PSMB7: variants seen among roughly 807,000 people sequenced by gnomAD.
PSMB7 encodes proteasome 20S subunit beta 7, also known as proteasome subunit beta type-7.
A neutral mutation model predicts 28.1 loss-of-function variants in PSMB7; 5 were observed. The ratio of observed to expected loss-of-function variants is 0.18; its 90% CI spans 0.09 to 0.37. PSMB7 has a LOEUF of 0.37. PSMB7 is among the 10% of genes least tolerant of loss of function. PSMB7 has a pLI of 1.00. For missense variants in PSMB7, 275 were observed against 346.2 expected (o/e 0.79, Z 1.63); for synonymous variants, 122 against 123.7 (o/e 0.99, Z 0.09).
chr9:124,374,449 G>C (rs553357771), intron 6 of PSMB7, among the ~76,000 whole-genome samples: 1 of 152,320 alleles, frequency 6.6e-6, no homozygotes, highest in African/African-American at 2.4e-5. Context: ...CACACTTTTA[G>C]AACAGTAGAC....
intron 5 of PSMB7, among the ~76,000 whole-genome samples, chr9:124,385,912 G>A (rs1229543690): frequency 4.6e-5 from 7 of 152,152 alleles, no homozygotes; most frequent in Non-Finnish European, 1.0e-4. Flanking sequence ...GGTAGAAACA[G>A]CAGATTTACA....
intron 6 of PSMB7, among the ~76,000 whole-genome samples, chr9:124,366,849 C>T (rs1367928694): frequency 1.3e-5 from 2 of 152,366 alleles, no homozygotes; most frequent in East Asian, 1.9e-4. Context: ...ACATGCTGTA[C>T]AGGCTTGCAG....
chr9:124,365,196 C>CAATGGAG (rs1830495648), intron 6 of PSMB7, among the ~76,000 whole-genome samples: 1 of 152,186 alleles, frequency 6.6e-6, no homozygotes, highest in African/African-American at 2.4e-5. Flanking sequence ...CAGGCCTGAA[C>CAATGGAG]ACAGAGCCTG....
chr9:124,413,508 T>C (rs1831053089), intron 3 of PSMB7, among the ~76,000 whole-genome samples: 1 of 152,100 alleles, frequency 6.6e-6, no homozygotes, highest in South Asian at 2.1e-4. Context: ...CAAAATCCAG[T>C]ATGGCAGAAG....
At chr9:124,406,395 G>T (rs900294692) in intron 4 of PSMB7, among the ~76,000 whole-genome samples, 26 of 151,614 alleles carry the variant, frequency 1.7e-4, no homozygotes, top group Non-Finnish European at 1.3e-4. Context: ...CCAGATACTT[G>T]GGAGGCTAAG....
chr9:124,408,039 T>C (rs968334046), intron 4 of PSMB7, among the ~76,000 whole-genome samples: 1 of 152,168 alleles, frequency 6.6e-6, no homozygotes, highest in Non-Finnish European at 1.5e-5. Flanking sequence ...GGCGTGGGCC[T>C]TTAGTCCCAG....
chr9:124,370,374 C>A (rs1466611388), intron 6 of PSMB7, among the ~76,000 whole-genome samples: 2 of 150,016 alleles, frequency 1.3e-5, no homozygotes, highest in East Asian at 4.0e-4. Context: ...AAAAAAAAAA[C>A]CTGTCATAAA....
intron 6 of PSMB7, among the ~76,000 whole-genome samples, chr9:124,361,381 C>T (rs781542858): frequency 2.0e-5 from 3 of 152,170 alleles, no homozygotes; most frequent in East Asian, 1.9e-4. Flanking sequence ...AAGAGGTCCA[C>T]GTCGGCCACG....
intron 6 of PSMB7, among the ~76,000 whole-genome samples, chr9:124,369,609 G>C (rs1830541960): frequency 1.3e-5 from 2 of 152,108 alleles, no homozygotes; most frequent in African/African-American, 4.8e-5. Context: ...CACTGACTCG[G>C]GAAATGACCG....
intron 5 of PSMB7, among the ~76,000 whole-genome samples, chr9:124,386,802 G>A (rs561244449): frequency 3.1e-4 from 47 of 151,830 alleles, no homozygotes; most frequent in African/African-American, 9.2e-4. Flanking sequence ...TTTTTCCTCC[G>A]GGGCCATTCC....
intron 5 of PSMB7, among the ~76,000 whole-genome samples, chr9:124,402,046 T>C (rs948324001): frequency 2.7e-5 from 4 of 148,218 alleles, no homozygotes; most frequent in Non-Finnish European, 5.9e-5. Flanking sequence ...GATAAATGAG[T>C]GGAGGAACAA....
At chr9:124,398,185 A>C (rs926870541) in intron 5 of PSMB7, among the ~76,000 whole-genome samples, 7 of 151,598 alleles carry the variant, frequency 4.6e-5, no homozygotes, top group Non-Finnish European at 1.0e-4. Flanking sequence ...AAAAAAAAAA[A>C]CCACCAAATT....
chr9:124,367,492 G>A (rs1277807744), intron 6 of PSMB7, among the ~76,000 whole-genome samples: 3 of 152,038 alleles, frequency 2.0e-5, no homozygotes, highest in Admixed American at 1.3e-4. Flanking sequence ...ACTTAGGTGG[G>A]AGGAGGGGGT....
intron 6 of PSMB7, among the ~76,000 whole-genome samples, chr9:124,374,323 T>C (rs767321682): frequency 2.6e-5 from 4 of 152,214 alleles, no homozygotes; most frequent in African/African-American, 4.8e-5. Flanking sequence ...TGGTAATAGC[T>C]GTACATCTCT....
At chr9:124,394,953 T>C (rs1043887404) in intron 5 of PSMB7, among the ~76,000 whole-genome samples, 3 of 152,226 alleles carry the variant, frequency 2.0e-5, no homozygotes, top group Non-Finnish European at 4.4e-5. Context: ...TCTTCTAAAA[T>C]GCATCTTATA....
At chr9:124,397,229 G>T (rs1170448041) in intron 5 of PSMB7, among the ~76,000 whole-genome samples, 13 of 152,182 alleles carry the variant, frequency 8.5e-5, no homozygotes, top group Admixed American at 7.9e-4. Context: ...TGCAAAGATT[G>T]TATCAGTAAA....
At chr9:124,354,804 C>G (rs1033319376) in intron 7 of PSMB7, among the ~76,000 whole-genome samples, 1 of 152,242 alleles carries the variant, frequency 6.6e-6, no homozygotes, top group Admixed American at 6.5e-5. Context: ...CAAAGTCCCA[C>G]GTGGCCTCTG....
intron 6 of PSMB7, among the ~76,000 whole-genome samples, chr9:124,380,793 A>G (rs1830656301): frequency 6.6e-6 from 1 of 152,156 alleles, no homozygotes; most frequent in East Asian, 1.9e-4. Context: ...TTATACCTTA[A>G]TTTGAGTTAA....
intron 6 of PSMB7, among the ~76,000 whole-genome samples, chr9:124,373,123 T>C (rs1209414979): frequency 6.6e-6 from 1 of 152,204 alleles, no homozygotes; most frequent in Non-Finnish European, 1.5e-5. Context: ...GGTGGGAACC[T>C]TTCACCTTCA....
Sources: allele counts gnomAD v4.1 joint callset (sites outside exome capture counted in the v4.1 genomes callset), GRCh38; gene constraint gnomAD v4.1.1; transcripts MANE v1.5; gene names NCBI Gene and HGNC (gene_info 2026-07-23, HGNC 2026-07-21).